Variants in EIF4G3 observed in about 807,000 individuals in gnomAD.
EIF4G3 encodes the protein eukaryotic translation initiation factor 4 gamma 3.
In EIF4G3, 34 loss-of-function variants were observed where a neutral mutation model predicts 186.4. The observed-to-expected ratio is 0.18, with a 90% CI of 0.14 to 0.24. The LOEUF (loss-of-function observed/expected upper bound fraction) is 0.24, where lower values mean the gene tolerates loss of function less well. Among genes scored for constraint, EIF4G3 ranks in the 10% least tolerant of loss-of-function variants. The pLI is 1.00. For synonymous variants in EIF4G3, 673 were observed against 679.5 expected, an observed-to-expected ratio of 0.99 and a Z score of 0.15; for missense variants, 1,536 against 1,948.5, an observed-to-expected ratio of 0.79 and a Z score of 3.99.
At chr1:20,933,373 C>A (rs2095403255) in intron 14 of EIF4G3, among the ~76,000 whole-genome samples, 1 of 151,964 alleles carries the variant, frequency 6.6e-6, no homozygotes, top group African/African-American at 2.4e-5. Context: ...AACCAGGGCA[C>A]CGGCCAGGCG....
intron 2 of EIF4G3, among the ~76,000 whole-genome samples, chr1:21,096,561 T>G (rs1009840048): frequency 6.6e-6 from 1 of 152,192 alleles, no homozygotes; most frequent in Non-Finnish European, 1.5e-5. Flanking sequence ...AAAAACAAGT[T>G]GAAGTTAACA....
intron 19 of EIF4G3, among the ~76,000 whole-genome samples, chr1:20,882,176 T>TATAC (rs2082546691): frequency 1.2e-5 from 1 of 86,956 alleles, no homozygotes. Context: ...AAAGAAAAAT[T>TATAC]ACACACACAC....
intron 3 of EIF4G3, among the ~76,000 whole-genome samples, chr1:21,079,335 G>A (rs1185247955): frequency 2.0e-5 from 3 of 151,890 alleles, no homozygotes; most frequent in Non-Finnish European, 2.9e-5. Flanking sequence ...AAAGCTTTAG[G>A]GTAAAAGAAT....
intron 29 of EIF4G3, among the ~76,000 whole-genome samples, chr1:20,844,409 GC>G (rs538321262): frequency 3.3e-5 from 5 of 151,858 alleles, no homozygotes; most frequent in Non-Finnish European, 7.4e-5. Flanking sequence ...GTGATATTGA[GC>G]TTTTTTATCT....
At chr1:21,108,884 C>T (rs979829404) in intron 2 of EIF4G3, among the ~76,000 whole-genome samples, 4 of 106,618 alleles carry the variant, frequency 3.8e-5, no homozygotes, top group African/African-American at 7.9e-5. Flanking sequence ...GACTGGGCGA[C>T]AGAGTGAGAC....
At chr1:21,003,885 A>G (rs976484686) in intron 4 of EIF4G3, 2 of 242,246 alleles carry the variant, frequency 8.3e-6, no homozygotes, top group Admixed American at 5.7e-5. Context: ...CTCTCTATTC[A>G]GTATTGCTGA....
chr1:20,974,272 T>G (rs1456897895), intron 10 of EIF4G3, among the ~76,000 whole-genome samples: 1 of 152,096 alleles, frequency 6.6e-6, no homozygotes. Context: ...ACTAGATAAC[T>G]CAGGAAATGA....
chr1:20,980,922 C>T, intron 9 of EIF4G3, 126 bp downstream of exon 9: 1 of 685,664 alleles, frequency 1.5e-6, no homozygotes. Context: ...AGATTTGTAA[C>T]CAACAAAACA....
intron 22 of EIF4G3, among the ~76,000 whole-genome samples, chr1:20,863,349 T>C (rs900390443): frequency 8.2e-5 from 10 of 121,480 alleles, no homozygotes; most frequent in African/African-American, 3.0e-4. Context: ...CCTAGGCAAC[T>C]AAGTGAGACC....
At chr1:21,018,312 T>C (rs746562446) in intron 4 of EIF4G3, among the ~76,000 whole-genome samples, 1 of 152,084 alleles carries the variant, frequency 6.6e-6, no homozygotes, top group Non-Finnish European at 1.5e-5. Context: ...CCGGGCACAG[T>C]GGCTCATGCT....
intron 14 of EIF4G3, among the ~76,000 whole-genome samples, chr1:20,921,776 TAGA>T: frequency 6.6e-6 from 1 of 152,330 alleles, no homozygotes; most frequent in East Asian, 1.9e-4. Context: ...GCATGGAAAG[TAGA>T]AGAAAACGTG....
intron 12 of EIF4G3, among the ~76,000 whole-genome samples, chr1:20,956,300 A>G (rs2154564057): frequency 6.6e-6 from 1 of 152,342 alleles, no homozygotes. Context: ...GTTAGTCAAT[A>G]GTGAAGAGAC....
chr1:20,912,790 ATATGCAAGAACTTTGTCCCT>A (rs2093403906), intron 14 of EIF4G3, among the ~76,000 whole-genome samples: 1 of 152,156 alleles, frequency 6.6e-6, no homozygotes, highest in Admixed American at 6.5e-5. Flanking sequence ...TGATTAGATA[ATATGCAAGAACTTTGTCCCT>A]CTAGAGTTCC....
chr1:21,001,138 A>G, intron 6 of EIF4G3, 61 bp downstream of exon 6: 1 of 467,942 alleles, frequency 2.1e-6, no homozygotes, highest in Non-Finnish European at 4.4e-6. Context: ...GATGTGGTCA[A>G]AAATACTAAG....
chr1:21,067,865 TGGCTCA>T (rs2095304353), intron 3 of EIF4G3, among the ~76,000 whole-genome samples: 4 of 151,966 alleles, frequency 2.6e-5, no homozygotes, highest in Non-Finnish European at 5.9e-5. Context: ...CCAGGCACAG[TGGCTCA>T]CGCCACTGCA....
intron 3 of EIF4G3, among the ~76,000 whole-genome samples, chr1:21,068,263 G>C (rs1426156687): frequency 1.3e-5 from 2 of 151,124 alleles, no homozygotes; most frequent in African/African-American, 4.9e-5. Flanking sequence ...CAGCTACTCG[G>C]GAGGCTGAGG....
At chr1:21,021,407 T>C (rs772280885) in intron 4 of EIF4G3, among the ~76,000 whole-genome samples, 5 of 152,170 alleles carry the variant, frequency 3.3e-5, no homozygotes, top group Non-Finnish European at 7.3e-5. Context: ...GAATAAACCA[T>C]AACAACTCAC....
At chr1:21,125,257 A>G (rs1241942754) in intron 2 of EIF4G3, among the ~76,000 whole-genome samples, 1 of 152,210 alleles carries the variant, frequency 6.6e-6, no homozygotes, top group Non-Finnish European at 1.5e-5. Flanking sequence ...TCTAAATGAT[A>G]TTCAACTTCT....
chr1:21,033,731 T>G (rs1283667600), intron 4 of EIF4G3, among the ~76,000 whole-genome samples: 1 of 152,196 alleles, frequency 6.6e-6, no homozygotes, highest in Non-Finnish European at 1.5e-5. Flanking sequence ...AGTTTATAGT[T>G]TGAAGGTGGT....
Sources: gnomAD v4.1 joint callset for allele counts (sites outside exome capture counted in the v4.1 genomes callset) on GRCh38, gnomAD v4.1.1 for gene constraint, MANE v1.5 for transcripts, NCBI Gene and HGNC (gene_info 2026-07-23, HGNC 2026-07-21) for gene names.